PRKD1: variants seen among roughly 807,000 people sequenced by gnomAD.
The protein encoded by PRKD1 is protein kinase D1.
A neutral mutation model predicts 95.9 loss-of-function variants in PRKD1; 63 were observed. That is an observed-to-expected ratio of 0.66 (90% CI 0.54 to 0.81). The LOEUF (loss-of-function observed/expected upper bound fraction) is 0.81. Among genes scored for constraint, PRKD1 ranks in the 30% least tolerant of loss-of-function variants. The pLI, the probability that PRKD1 is intolerant of heterozygous loss-of-function variation, is 0.00. For missense variants in PRKD1, 1,048 were observed against 1,165.3 expected, an observed-to-expected ratio of 0.90 and a Z score of 1.47; for synonymous variants, 425 against 423.1, an observed-to-expected ratio of 1.00 and a Z score of -0.05.
chr14:29,788,879 TTTTA>T (rs200005782), intron 1 of PRKD1, among the ~76,000 whole-genome samples: 2 of 151,752 alleles, frequency 1.3e-5, no homozygotes, highest in African/African-American at 2.4e-5. Context: ...CTTTGTTTTC[TTTTA>T]TTTATTTATT....
rs981802443 is a variant in PRKD1, at chr14:29,635,968, T to C, written c.1190+322A>G. On this transcript the variant is annotated intron_variant, in intron 7 of 17. Coordinates refer to ENST00000331968, the MANE Select transcript of PRKD1 (RefSeq NM_002742.3). Reference sequence around the variant, plus strand: ...GAGTTTGATCTTGATTTTTGTTGTTTCTACACAATGAGCTTCAAATTAATA... The same window carrying C: ...GAGTTTGATCTTGATTTTTGTTGTTCCTACACAATGAGCTTCAAATTAATA... Among the ~76,000 whole-genome samples the C allele has an allele frequency of 6.6e-5, 10 of 152,128 alleles. No individual in the cohort carries two copies. In the South Asian group the frequency reaches 1.9e-3, roughly 28 times the overall value.
At chr14:29,785,001 A>G (rs1433145526) in intron 1 of PRKD1, among the ~76,000 whole-genome samples, 1 of 152,206 alleles carries the variant, frequency 6.6e-6, no homozygotes, top group Non-Finnish European at 1.5e-5. Flanking sequence ...GTGAAGAGCC[A>G]AATTCCATCT....
intron 1 of PRKD1, among the ~76,000 whole-genome samples, chr14:29,926,224 T>G (rs187757694): frequency 1.2e-3 from 185 of 152,288 alleles, no homozygotes; most frequent in African/African-American, 4.2e-3. Flanking sequence ...TCATGATTAT[T>G]CAAGTGATAA....
At chr14:29,676,088 T>G (rs1321418524) in intron 2 of PRKD1, among the ~76,000 whole-genome samples, 1 of 151,152 alleles carries the variant, frequency 6.6e-6, no homozygotes, top group Non-Finnish European at 1.5e-5. Context: ...CTGCACGTTG[T>G]GCACATGTAC....
At chr14:29,796,729 C>A (rs1889835349) in intron 1 of PRKD1, among the ~76,000 whole-genome samples, 1 of 152,094 alleles carries the variant, frequency 6.6e-6, no homozygotes, top group South Asian at 2.1e-4. Flanking sequence ...GATATAGTAA[C>A]TTAAAGGTCA....
At chr14:29,751,840 G>A (rs146867600) in intron 1 of PRKD1, among the ~76,000 whole-genome samples, 248 of 152,288 alleles carry the variant, frequency 1.6e-3, no homozygotes, top group African/African-American at 5.8e-3. Flanking sequence ...AAAGCTCCAC[G>A]GATTAGGTTT....
intron 16 of PRKD1, among the ~76,000 whole-genome samples, chr14:29,596,659 T>C (rs1893317416): frequency 6.6e-6 from 1 of 152,190 alleles, no homozygotes; most frequent in Non-Finnish European, 1.5e-5. Flanking sequence ...ATCACCCTAT[T>C]GGCCAAGCTG....
chr14:29,905,711 C>T (rs1894472588), intron 1 of PRKD1, among the ~76,000 whole-genome samples: 1 of 152,206 alleles, frequency 6.6e-6, no homozygotes, highest in African/African-American at 2.4e-5. Flanking sequence ...AGAAGCCCTC[C>T]TCAAGGTTGA....
Position 29,738,754 on chromosome 14 carries a change from TTTCTTTCC to T in PRKD1, c.265-13088_265-13081del, listed in dbSNP as rs563082039. On this transcript the variant is annotated intron_variant, in intron 1 of 17. Transcript: ENST00000331968. ...GCTCCACAAGCCCAATGCTTCTTTC[TTTCTTTCC>T]TTCCTTCCTTCCTTCCTTCTTTCTT... 1.5e-4 allele frequency among the ~76,000 whole-genome samples: 23 copies of T among 151,638 alleles called. No homozygotes were observed. The South Asian group carries it at 4.4e-3, about 29-fold the overall frequency.
At position 29,638,786 on chromosome 14, in the gene PRKD1, G is replaced by A. The variant is rs776884682; in HGVS notation, c.815C>T (p.Thr272Ile). 1.8e-5 allele frequency: 29 copies of A among 1,613,928 alleles called. No individual in the cohort carries two copies. Among genetic ancestry groups the A allele is most frequent in the Non-Finnish European group, 2.4e-5 (28 of 1,180,004 alleles). The part of the protein sequence containing the change: ...ILMSKVKVPH[T>I]FVIHSYTRPT... Reference sequence around the variant, plus strand: ...CCGGGTGTAGGAGTGGATGACAAATGTGTGCGGCACTTTAACTTTAGACAT... The same window carrying A: ...CCGGGTGTAGGAGTGGATGACAAATATGTGCGGCACTTTAACTTTAGACAT... The change falls in exon 5 of 18, where the codon ACA becomes ATA. Residue 272 changes from threonine to isoleucine, a missense_variant. By Grantham distance (89) the Thr-to-Ile change is moderately conservative. This residue lies in a region of PRKD1 where 739 missense variants were observed against 861.9 expected (regional missense o/e 0.86). Transcript: ENST00000331968.
intron 13 of PRKD1, among the ~76,000 whole-genome samples, chr14:29,617,470 A>AT (rs1332866632): frequency 2.6e-5 from 4 of 152,288 alleles, no homozygotes; most frequent in South Asian, 2.1e-4. Context: ...CATAAAATTC[A>AT]TTTTTTCTAT....
At chr14:29,613,081 G>C (rs1190954001) in intron 13 of PRKD1, among the ~76,000 whole-genome samples, 1 of 145,168 alleles carries the variant, frequency 6.9e-6, no homozygotes, top group African/African-American at 2.5e-5. Context: ...CTGGGTGACA[G>C]AGCGAGACTC....
At chr14:29,616,466 C>T (rs949970491) in intron 13 of PRKD1, among the ~76,000 whole-genome samples, 6 of 150,734 alleles carry the variant, frequency 4.0e-5, no homozygotes, top group African/African-American at 1.2e-4. Context: ...TTCCAAGAGA[C>T]AGGGTCTCAC....
chr14:29,663,632 C>T (rs1385802405), intron 4 of PRKD1, 67 bp downstream of exon 4: 10 of 1,553,000 alleles, frequency 6.4e-6, no homozygotes, highest in Non-Finnish European at 8.9e-6. Context: ...CTTGGATTGA[C>T]ATTGCTATCA....
intron 1 of PRKD1, among the ~76,000 whole-genome samples, chr14:29,742,788 T>C (rs1254699405): frequency 6.6e-6 from 1 of 152,218 alleles, no homozygotes; most frequent in Non-Finnish European, 1.5e-5. Flanking sequence ...ATAACTTCAA[T>C]TTTGTTAGAG....
At chr14:29,597,938 T>C (rs757673188) in intron 15 of PRKD1, among the ~76,000 whole-genome samples, 180 bp from the exon 16 acceptor site, 1 of 152,210 alleles carries the variant, frequency 6.6e-6, no homozygotes, top group Non-Finnish European at 1.5e-5. Flanking sequence ...GTGGTTTATG[T>C]AGTGATACAA....
chr14:29,757,858 G>C (rs1454007587), intron 1 of PRKD1, among the ~76,000 whole-genome samples: 12 of 152,062 alleles, frequency 7.9e-5, no homozygotes, highest in East Asian at 5.8e-4. Flanking sequence ...GGGATAAAGG[G>C]AATGGCAGCA....
intron 2 of PRKD1, among the ~76,000 whole-genome samples, chr14:29,707,078 G>C (rs926334482): frequency 6.6e-6 from 1 of 152,188 alleles, no homozygotes; most frequent in Non-Finnish European, 1.5e-5. Context: ...GAATCGGGTA[G>C]AGTAGGGAGT....
chr14:29,630,930 G>A lies in PRKD1; in HGVS notation c.1484C>T (p.Thr495Ile). 1 of 1,614,108 alleles carries A rather than the reference G, an allele frequency of 6.2e-7. No homozygotes were observed. The highest frequency in any genetic ancestry group is 8.5e-7 in the Non-Finnish European group (1 of 1,179,994). The change falls in exon 10 of 18, where the codon ACT (threonine) becomes ATT (isoleucine). Residue 495 changes from threonine (T) to isoleucine (I), a missense_variant. Around this residue, in one of 3 missense-constraint regions of PRKD1, gnomAD observed 739 missense variants for 861.9 expected, o/e 0.86. Transcript: ENST00000331968. ...CACATAATACACTACATTTGCCGTA[G>A]TGATTTCGAAACAATGAGGATTGGC... ...NGANPHCFEI[T>I]TANVVYYVGE...
Sources: gnomAD v4.1 joint callset for allele counts (sites outside exome capture counted in the v4.1 genomes callset) on GRCh38, gnomAD v4.1.1 for gene constraint, gnomAD v4.1.1 regional missense constraint, MANE v1.5 for transcripts, NCBI Gene and HGNC (gene_info 2026-07-23, HGNC 2026-07-21) for gene names.